SPAG17: variants seen among roughly 807,000 people sequenced by gnomAD.
SPAG17 encodes sperm-associated antigen 17.
SPAG17 carries 169 observed loss-of-function variants against 273.6 expected under a neutral mutation model. The ratio of observed to expected loss-of-function variants is 0.62; its 90% confidence interval spans 0.55 to 0.70. The LOEUF is 0.70. SPAG17 is among the 30% of genes least tolerant of loss of function. The probability of loss-of-function intolerance (pLI) is 0.00; values close to 1 mark genes in which losing one functional copy is unlikely to be tolerated. For synonymous variants in SPAG17, 825 were observed against 873.2 expected (o/e 0.94, Z 0.97); for missense variants, 2,557 against 2,627.8 (o/e 0.97, Z 0.59).
At chr1:118,051,542 G>GATACACAC (rs888461749) in intron 20 of SPAG17, among the ~76,000 whole-genome samples, 1 of 75,902 alleles carries the variant, frequency 1.3e-5, no homozygotes, top group African/African-American at 6.7e-5. Context: ...GAAAATTTGA[G>GATACACAC]ATACACACAC....
At chr1:117,961,266 A>C (rs1653060512) in intron 48 of SPAG17, 1 of 152,210 alleles carries the variant, frequency 6.6e-6, no homozygotes, top group African/African-American at 2.4e-5. Context: ...CCTGGGCAAC[A>C]CAGTGAGACT....
chr1:118,103,287 C>A (rs1233034388), intron 4 of SPAG17, among the ~76,000 whole-genome samples: 1 of 152,146 alleles, frequency 6.6e-6, no homozygotes, highest in Admixed American at 6.5e-5. Context: ...ACACACATCT[C>A]CCTTAGTCGA....
chr1:118,063,078 T>A (rs1240412935), intron 18 of SPAG17, among the ~76,000 whole-genome samples: 1 of 152,078 alleles, frequency 6.6e-6, no homozygotes, highest in Non-Finnish European at 1.5e-5. Flanking sequence ...CTCAATGAAA[T>A]AAAAGAGGAT....
intron 18 of SPAG17, among the ~76,000 whole-genome samples, chr1:118,061,625 T>C (rs192803405): frequency 2.1e-3 from 316 of 152,328 alleles, no homozygotes; most frequent in African/African-American, 7.3e-3. Context: ...ACGTGTTCAA[T>C]GTTTTTAAAA....
At chr1:118,113,732 T>A (rs1461100241) in intron 4 of SPAG17, among the ~76,000 whole-genome samples, 1 of 152,086 alleles carries the variant, frequency 6.6e-6, no homozygotes, top group East Asian at 1.9e-4. Context: ...ACTCTCAAAT[T>A]TTCAACAGAT....
chr1:118,181,495 G>A (rs1164403553), intron 1 of SPAG17, among the ~76,000 whole-genome samples: 3 of 151,954 alleles, frequency 2.0e-5, no homozygotes, highest in Non-Finnish European at 4.4e-5. Context: ...GAGAGAGCAG[G>A]GGAAGTTAAG....
In SPAG17 at chr1:118,115,335, T is replaced by C; in HGVS notation, c.422A>G (p.Gln141Arg). 6.2e-7 allele frequency: 1 copy of C among 1,613,744 alleles called. No individual in the cohort carries two copies. Among genetic ancestry groups the C allele is most frequent in the Non-Finnish European group, 8.5e-7 (1 of 1,179,722 alleles). Residue 141 changes from glutamine to arginine, a missense_variant, in exon 4 of 49, where the codon CAA (glutamine) becomes CGA (arginine). By Grantham distance (43) the Gln-to-Arg change is conservative. Transcript: ENST00000336338. ...CTTCTTTTCATTTTCCCGTCGCTGT[T>C]GGTCCTTAAATTTAATCTGGAGAAG... ...FQLLQIKFKD[Q>R]QRRENEKKVI...
In SPAG17 at chr1:117,981,252, T is replaced by G. The variant is rs1309529761; in HGVS notation, c.6004+18A>C. The G allele has an allele frequency of 6.5e-7, 1 of 1,549,284 alleles. No individual in the cohort carries two copies. Among genetic ancestry groups the G allele is most frequent in the East Asian group, 2.4e-5 (1 of 42,224 alleles). On this transcript the variant is annotated intron_variant, in intron 43 of 48. Coordinates refer to ENST00000336338, the MANE Select transcript of SPAG17 (RefSeq NM_206996.4). Reference sequence around the variant, plus strand: ...TGTTCAGTTTCAAGAAGCAATAAGATAAAAAAGACTGCCATACCTTCAGGA... The same window carrying G: ...TGTTCAGTTTCAAGAAGCAATAAGAGAAAAAAGACTGCCATACCTTCAGGA...
In SPAG17 at chr1:117,987,985, G is replaced by C. The variant is rs1656624441; in HGVS notation, c.5622-104C>G. The C allele has an allele frequency of 3.5e-6, 5 of 1,445,178 alleles. No individual in the cohort carries two copies. In the East Asian group the frequency reaches 1.2e-4, roughly 34 times the overall value. 89.5% of individuals were successfully genotyped at this position (1,445,178 alleles called of 1,614,324 possible). A position where few individuals can be genotyped will look rare whatever the true frequency, so the allele number is the denominator to read the frequency against. On this transcript the variant is annotated intron_variant, in intron 39 of 48. Transcript: ENST00000336338. ...TATATGATGAATTATTAATAGTATG[G>C]GAGATGAAGGGCTGTGAATTCATTG...
intron 13 of SPAG17, among the ~76,000 whole-genome samples, chr1:118,083,783 C>CA (rs563527326): frequency 9.2e-4 from 139 of 150,890 alleles, no homozygotes; most frequent in Non-Finnish European, 1.6e-3. Context: ...GACTCTGTCT[C>CA]AAAAAAACAA....
At chr1:118,118,813 T>C (rs1657251544) in intron 3 of SPAG17, among the ~76,000 whole-genome samples, 1 of 152,208 alleles carries the variant, frequency 6.6e-6, no homozygotes, top group South Asian at 2.1e-4. Context: ...AGATGCTATT[T>C]TTCTGTTAGG....
At chr1:118,080,781 C>T (rs1004721143) in intron 15 of SPAG17, among the ~76,000 whole-genome samples, 4 of 152,154 alleles carry the variant, frequency 2.6e-5, no homozygotes, top group African/African-American at 9.7e-5. Context: ...CTGGACATTT[C>T]ATTCTGTTTT....
intron 48 of SPAG17, chr1:117,959,460 G>A: frequency 1.3e-6 from 2 of 1,578,834 alleles, no homozygotes; most frequent in Non-Finnish European, 1.7e-6. Flanking sequence ...CTGAAATGTG[G>A]TATCTTTTTT....
chr1:118,166,227 A>G (rs1341657474), intron 1 of SPAG17, among the ~76,000 whole-genome samples: 1 of 152,236 alleles, frequency 6.6e-6, no homozygotes, highest in East Asian at 1.9e-4. Context: ...ACACACTAAG[A>G]ACAACACAAA....
Position 118,016,083 on chromosome 1 carries a change from A to G in SPAG17, c.4169T>C (p.Ile1390Thr), listed in dbSNP as rs1659943602. Residue 1390 changes from isoleucine to threonine, a missense_variant, in exon 29 of 49, where the codon ATA becomes ACA. By Grantham distance (89) the Ile-to-Thr change is moderately conservative. Transcript: ENST00000336338. The part of the protein sequence containing the change: ...VQTVTPVEVH[I>T]GTWFTTTPEG... ...AGGTGTGGTTGTAAACCAGGTGCCT[A>G]TGTGAACCTCCACAGGAGTTACAGT... is the stretch of plus-strand genomic sequence containing the variant. 6.2e-7 allele frequency: 1 copy of G among 1,613,980 alleles called. No homozygotes were observed. Among genetic ancestry groups the G allele is most frequent in the South Asian group, 1.1e-5 (1 of 91,092 alleles).
intron 30 of SPAG17, among the ~76,000 whole-genome samples, chr1:118,009,384 A>G (rs1027242833): frequency 1.3e-5 from 2 of 152,128 alleles, no homozygotes; most frequent in African/African-American, 4.8e-5. Flanking sequence ...AAATATATCC[A>G]ATAAAAACAT....
rs558810217 is a variant in SPAG17, at chr1:118,115,774, T to G, written c.316-333A>C. Among the ~76,000 whole-genome samples, 12 of 152,322 alleles carry G rather than the reference T, an allele frequency of 7.9e-5. No individual in the cohort carries two copies. The South Asian group carries it at 2.5e-3, about 32-fold the overall frequency. On this transcript the variant is annotated intron_variant, in intron 3 of 48. Transcript: ENST00000336338. ...CATTTTAGGATGACTGATAGGGTGA[T>G]TCATGCTACAGAAAGTCTATTGTTT... is the stretch of plus-strand genomic sequence containing the variant.
intron 3 of SPAG17, among the ~76,000 whole-genome samples, chr1:118,146,590 G>T (rs914688309): frequency 6.6e-6 from 1 of 151,988 alleles, no homozygotes; most frequent in African/African-American, 2.4e-5. Flanking sequence ...ACATTAATTC[G>T]GTCTTCTCTC....
chr1:118,121,173 C>G (rs1362866996), intron 3 of SPAG17, among the ~76,000 whole-genome samples: 1 of 152,060 alleles, frequency 6.6e-6, no homozygotes, highest in Non-Finnish European at 1.5e-5. Flanking sequence ...AATGGAACTT[C>G]CCCTCCAGCC....
Sources: gnomAD v4.1 joint callset for allele counts (sites outside exome capture counted in the v4.1 genomes callset) on GRCh38, gnomAD v4.1.1 for gene constraint, MANE v1.5 for transcripts, NCBI Gene and HGNC (gene_info 2026-07-23, HGNC 2026-07-21) for gene names.